The following ECPAS variants were observed in gnomAD, a reference collection of about 807,000 sequenced individuals.
ECPAS encodes the protein Ecm29 proteasome adaptor and scaffold, also known as proteasome adapter and scaffold protein ECM29.
A neutral mutation model predicts 255.1 loss-of-function variants in ECPAS; 70 were observed. The ratio of observed to expected loss-of-function variants is 0.27; its 90% confidence interval spans 0.23 to 0.33. ECPAS has a LOEUF of 0.33. ECPAS is among the 10% of genes least tolerant of loss of function. The probability of loss-of-function intolerance (pLI) is 1.00; values close to 1 mark genes in which losing one functional copy is unlikely to be tolerated. For missense variants in ECPAS, 1,817 were observed against 2,206.4 expected, an observed-to-expected ratio of 0.82 and a Z score of 3.54; for synonymous variants, 784 against 775.0, an observed-to-expected ratio of 1.01 and a Z score of -0.19.
chr9:111,367,537 T>A (rs888282094), intron 46 of ECPAS, among the ~76,000 whole-genome samples: 1 of 152,202 alleles, frequency 6.6e-6, no homozygotes, highest in Non-Finnish European at 1.5e-5. Flanking sequence ...AAGTTAATAC[T>A]CTTTATGGCA....
intron 48 of ECPAS, chr9:111,365,985 T>C (rs2098119991): frequency 6.2e-6 from 3 of 483,506 alleles, no homozygotes; most frequent in African/African-American, 1.9e-5. Context: ...TTCTGTAAGT[T>C]TGAAATTACT....
At chr9:111,458,036 A>T (rs2098268988) in intron 2 of ECPAS, among the ~76,000 whole-genome samples, 1 of 152,214 alleles carries the variant, frequency 6.6e-6, no homozygotes, top group South Asian at 2.1e-4. Context: ...AACACACATT[A>T]AAAAAGTATA....
Position 111,362,188 on chromosome 9 carries a change from A to C in ECPAS, c.5381-19T>G, listed in dbSNP as rs775898187. 2.0e-6 allele frequency: 3 copies of C among 1,503,840 alleles called. No individual in the cohort carries two copies. The South Asian group carries it at 3.7e-5, about 19-fold the overall frequency. The allele number at this position is 1,503,840 out of a possible 1,614,324, so 93.2% of individuals were successfully genotyped here. On this transcript the variant is annotated intron_variant, in intron 49 of 49. Coordinates refer to ENST00000684092, the MANE Select transcript of ECPAS (RefSeq NM_001364929.1). ...TTAGATTCTGCATGAAAAAAAAAAA[A>C]CAAAAACAAAAAAAACAAAAAACAA...
rs1455302689 is a variant in ECPAS, at chr9:111,408,627, C to T, written c.2596G>A (p.Asp866Asn). 1 of 1,595,416 alleles carries T rather than the reference C, an allele frequency of 6.3e-7. No individual in the cohort carries two copies. The highest frequency in any genetic ancestry group is 8.5e-7 in the Non-Finnish European group (1 of 1,171,268). The stretch of plus-strand genomic sequence containing the variant: ...AGTTTCTGGTGAGGAAAATCTCCAT[C>T]CCCAACTGGAAAATATCCCAGTGTT... Reference protein sequence around the residue: ...IQTLGYFPVGDGDFPHQKLLL... With the variant: ...IQTLGYFPVGNGDFPHQKLLL... The change falls in exon 24 of 50, where the codon GAT becomes AAT. Residue 866 changes from aspartate to asparagine, a missense_variant. Physicochemically the swap from Asp to Asn is conservative, Grantham distance 23 (BLOSUM62 1). This residue lies in a region of ECPAS where 960 missense variants were observed against 1,179.0 expected (regional missense o/e 0.81). Coordinates refer to ENST00000684092, the MANE Select transcript of ECPAS (RefSeq NM_001364929.1).
At chr9:111,364,915 G>A (rs1023564303) in intron 48 of ECPAS, among the ~76,000 whole-genome samples, 1 of 152,118 alleles carries the variant, frequency 6.6e-6, no homozygotes, top group Non-Finnish European at 1.5e-5. Context: ...AAGGGAAGTC[G>A]GGGGGACTTT....
intron 3 of ECPAS, among the ~76,000 whole-genome samples, chr9:111,450,959 T>C (rs1490469966): frequency 2.0e-5 from 3 of 152,114 alleles, no homozygotes; most frequent in Admixed American, 6.6e-5. Flanking sequence ...GAAAATCTGA[T>C]GTGACAGTTA....
At chr9:111,412,672 T>C (rs180684831) in intron 20 of ECPAS, among the ~76,000 whole-genome samples, 44 of 152,324 alleles carry the variant, frequency 2.9e-4, no homozygotes, top group African/African-American at 1.0e-3. Context: ...GACTATAGCA[T>C]GACAACCTCT....
chr9:111,425,931 C>T (rs1480044757), intron 10 of ECPAS, 103 bp from the exon 11 acceptor site: 5 of 575,228 alleles, frequency 8.7e-6, no homozygotes, highest in African/African-American at 1.9e-5. Context: ...TACTACATCT[C>T]GTTCTTCAAC....
chr9:111,445,671 T>C (rs2098251947), intron 3 of ECPAS, among the ~76,000 whole-genome samples: 1 of 152,098 alleles, frequency 6.6e-6, no homozygotes, highest in Non-Finnish European at 1.5e-5. Context: ...CTGGGAGTTG[T>C]TTTTTGTTTG....
At chr9:111,416,211 G>A (rs2098203255) in intron 18 of ECPAS, 61 bp downstream of exon 18, 2 of 1,213,388 alleles carry the variant, frequency 1.6e-6, no homozygotes, top group South Asian at 1.2e-5. Flanking sequence ...CCCTCTTTGG[G>A]TGTGGTGTGA....
chr9:111,372,137 C>T (rs1458455058), intron 42 of ECPAS, among the ~76,000 whole-genome samples: 1 of 152,154 alleles, frequency 6.6e-6, no homozygotes. Context: ...TAAAATCACA[C>T]TCTTAATTAA....
chr9:111,378,060 C>T (rs1005451765), intron 36 of ECPAS, among the ~76,000 whole-genome samples: 8 of 151,970 alleles, frequency 5.3e-5, no homozygotes, highest in African/African-American at 7.3e-5. Context: ...GCAGGAGAAT[C>T]GCTTGAACCT....
intron 3 of ECPAS, among the ~76,000 whole-genome samples, chr9:111,450,127 T>C (rs1053295188): frequency 3.3e-5 from 5 of 152,198 alleles, no homozygotes; most frequent in African/African-American, 1.2e-4. Flanking sequence ...CTAGGTGTTG[T>C]CATCATTCAT....
At chr9:111,366,113 T>C in intron 48 of ECPAS, 126 bp downstream of exon 48, 2 of 626,446 alleles carry the variant, frequency 3.2e-6, no homozygotes, top group South Asian at 4.2e-5. Flanking sequence ...TGGAGTATAA[T>C]AAGTAGCAGA....
chr9:111,364,381 T>C (rs915532157), intron 48 of ECPAS, among the ~76,000 whole-genome samples: 1 of 152,156 alleles, frequency 6.6e-6, no homozygotes, highest in Admixed American at 6.5e-5. Flanking sequence ...CTGGGACAAC[T>C]GGAATAACGA....
At chr9:111,410,662 A>G (rs1365621886) in intron 22 of ECPAS, among the ~76,000 whole-genome samples, 1 of 152,000 alleles carries the variant, frequency 6.6e-6, no homozygotes, top group East Asian at 1.9e-4. Context: ...GGCTACAGGT[A>G]CACGCCACCA....
At chr9:111,365,288 T>TATCATCATCATCATCATCATC in intron 48 of ECPAS, among the ~76,000 whole-genome samples, 1 of 147,648 alleles carries the variant, frequency 6.8e-6, no homozygotes, top group East Asian at 2.0e-4. Flanking sequence ...TAATAACCAT[T>TATCATCATCATCATCATCATC]ATCATCATCA....
At chr9:111,483,545 T>G in intron 1 of ECPAS, 1 of 965,174 alleles carries the variant, frequency 1.0e-6, no homozygotes, top group Non-Finnish European at 1.2e-6. Flanking sequence ...CGCAGCCATG[T>G]TGCGCCGGGG....
chr9:111,432,218 A>T (rs2098231038), intron 8 of ECPAS, among the ~76,000 whole-genome samples: 1 of 152,252 alleles, frequency 6.6e-6, no homozygotes, highest in African/African-American at 2.4e-5. Flanking sequence ...TTCCCAGAAT[A>T]TTGAGATAAA....
Sources: gnomAD v4.1 joint callset for allele counts (sites outside exome capture counted in the v4.1 genomes callset) on GRCh38, gnomAD v4.1.1 for gene constraint, gnomAD v4.1.1 regional missense constraint, MANE v1.5 for transcripts, NCBI Gene and HGNC (gene_info 2026-07-23, HGNC 2026-07-21) for gene names.